SDAD1: variants seen among roughly 807,000 people sequenced by gnomAD.
SDAD1 encodes SDA1 domain containing 1.
Under a neutral mutation model 100.3 loss-of-function variants are expected in SDAD1, and 79 were observed. That is an observed-to-expected ratio of 0.79 (90% CI 0.66 to 0.95). The LOEUF is 0.95. SDAD1 is among the 40% of genes least tolerant of loss of function. SDAD1 has a pLI of 0.00. For synonymous variants in SDAD1, 267 were observed against 271.4 expected (o/e 0.98, Z 0.16); for missense variants, 790 against 810.9 (o/e 0.97, Z 0.31).
At chr4:75,957,269 A>T in intron 20 of SDAD1, 56 bp downstream of exon 20, 1 of 1,452,676 alleles carries the variant, frequency 6.9e-7, no homozygotes, top group Admixed American at 1.8e-5. Flanking sequence ...GTTCTGGCTT[A>T]TGTTTCATTT....
At position 75,990,785 on chromosome 4, in the gene SDAD1, T is replaced by G; in HGVS notation, c.57A>C (p.Leu19=). Residue 19 remains leucine (L), a synonymous_variant, in exon 1 of 22, where the codon CTA becomes CTC. Transcript: ENST00000356260. The stretch of plus-strand genomic sequence containing the variant: ...TGTAGGCCGGCGGGTCTCGCTTGAT[T>G]AGATTCTGTAACTGCGGCAGGTTGC... ...LPSNLPQLQN[L]IKRDPPAYIE... 1 of 1,614,156 alleles carries G rather than the reference T, an allele frequency of 6.2e-7. No individual in the cohort carries two copies. The highest frequency in any genetic ancestry group is 1.1e-5 in the South Asian group (1 of 91,088).
In SDAD1 at chr4:75,965,930, T is replaced by C. The variant is rs1578126363; in HGVS notation, c.1046-108A>G. The C allele has an allele frequency of 1.9e-5, 16 of 855,920 alleles. No homozygotes were observed. The East Asian group carries it at 4.1e-4, about 22-fold the overall frequency. The allele number at this position is 855,920 out of a possible 1,614,324, so 53.0% of individuals were successfully genotyped here. On this transcript the variant is annotated intron_variant, in intron 12 of 21. Transcript: ENST00000356260. ...CTGGTCTAAATGGTATTGCTGCGTA[T>C]TCCACCTGGAACACTCAATCCCCAG...
At chr4:75,981,322 G>A (rs763807614) in intron 3 of SDAD1, 50 bp downstream of exon 3, 2 of 1,513,732 alleles carry the variant, frequency 1.3e-6, no homozygotes, top group Admixed American at 1.7e-5. Flanking sequence ...ATATATGAAC[G>A]CAGCACACAT....
intron 18 of SDAD1, 45 bp downstream of exon 18, chr4:75,957,800 TAC>T: frequency 6.2e-7 from 1 of 1,612,214 alleles, no homozygotes; most frequent in African/African-American, 1.3e-5. Context: ...CAGAATAAAT[TAC>T]GTCTTAATAA....
intron 9 of SDAD1, among the ~76,000 whole-genome samples, chr4:75,970,724 T>C (rs920844288): frequency 9.9e-5 from 15 of 152,212 alleles, no homozygotes; most frequent in African/African-American, 2.2e-4. Context: ...TGGGAAGTTA[T>C]TGGCTCATAG....
chr4:75,970,981 A>G (rs1393299733), intron 9 of SDAD1, among the ~76,000 whole-genome samples: 1 of 152,218 alleles, frequency 6.6e-6, no homozygotes, highest in East Asian at 1.9e-4. Flanking sequence ...TAGCAGTGTG[A>G]AAACAAACTA....
At chr4:75,982,350 T>C (rs1218200898) in intron 1 of SDAD1, among the ~76,000 whole-genome samples, 1 of 152,144 alleles carries the variant, frequency 6.6e-6, no homozygotes, top group Non-Finnish European at 1.5e-5. Context: ...CCAGTTACTA[T>C]CTAAATGATC....
At chr4:75,973,195 T>C (rs1729962764) in intron 8 of SDAD1, 122 bp downstream of exon 8, 2 of 715,352 alleles carry the variant, frequency 2.8e-6, no homozygotes. Context: ...ATGGCAGAAT[T>C]CAATAACAGG....
chr4:75,987,489 T>C (rs1730970810), intron 1 of SDAD1, among the ~76,000 whole-genome samples: 1 of 152,132 alleles, frequency 6.6e-6, no homozygotes, highest in Non-Finnish European at 1.5e-5. Flanking sequence ...ATGACATCCA[T>C]GTCGCTAATT....
At chr4:75,955,313 A>G (rs924545458) in intron 21 of SDAD1, among the ~76,000 whole-genome samples, 4 of 152,208 alleles carry the variant, frequency 2.6e-5, no homozygotes, top group Admixed American at 2.6e-4. Flanking sequence ...TATCCAGTGC[A>G]TTGGCAGCAT....
chr4:75,954,090 C>T (rs1291348999), intron 21 of SDAD1, among the ~76,000 whole-genome samples: 2 of 152,072 alleles, frequency 1.3e-5, no homozygotes, highest in African/African-American at 2.4e-5. Flanking sequence ...AAAGTACCCA[C>T]GCCTGGGGCC....
chr4:75,969,054 AAG>A lies in SDAD1; in HGVS notation c.987+240_987+241del, dbSNP rs1256298587. Among the ~76,000 whole-genome samples the A allele has an allele frequency of 2.6e-5, 4 of 151,166 alleles. No individual in the cohort carries two copies. In the South Asian group the frequency reaches 8.3e-4, roughly 31 times the overall value. On this transcript the variant is annotated intron_variant, in intron 11 of 21. Transcript: ENST00000356260. ...TCAAAAAAAAAAAAAAAAAAAAAAA[AAG>A]CAGAGAATAAAATAGCCTGTCCATA... is the stretch of plus-strand genomic sequence containing the variant.
intron 21 of SDAD1, among the ~76,000 whole-genome samples, chr4:75,953,203 A>G (rs1728709245): frequency 6.6e-6 from 1 of 152,202 alleles, no homozygotes; most frequent in African/African-American, 2.4e-5. Context: ...TACTCTCAAA[A>G]AGATTCTTCA....
chr4:75,957,822 T>C (rs1728990555), intron 18 of SDAD1, 25 bp downstream of exon 18: 1 of 1,613,256 alleles, frequency 6.2e-7, no homozygotes, highest in Admixed American at 1.7e-5. Flanking sequence ...AACACCAGGT[T>C]ATAAGATGAA....
In SDAD1 at chr4:75,956,163, C is replaced by A. The variant is rs746802680; in HGVS notation, c.1855-27G>T. The A allele has an allele frequency of 1.5e-5, 23 of 1,581,952 alleles. No individual in the cohort carries two copies. In the South Asian group the frequency reaches 1.7e-4, roughly 11 times the overall value. ...TACCAGAACAAAAAGTTTGATATTT[C>A]TTCTTCAACAACATACTTTAGGAGT... is the stretch of plus-strand genomic sequence containing the variant. On this transcript the variant is annotated intron_variant, in intron 20 of 21. Transcript: ENST00000356260.
At chr4:75,967,156 T>TC in intron 12 of SDAD1, 121 bp downstream of exon 12, 1 of 858,380 alleles carries the variant, frequency 1.2e-6, no homozygotes, top group Admixed American at 2.5e-5. Context: ...CAAGGGCTTC[T>TC]CTTCACATCT....
Position 75,957,574 on chromosome 4 carries a change from G to A in SDAD1, c.1713C>T (p.Ala571=). ...MAQMRKELDA[A]PGKSQKRKYI... The stretch of plus-strand genomic sequence containing the variant: ...ATTTCCTCTTCTGGGATTTCCCGGG[G>A]GCAGCATCAAGTTCTTTTCTCATTT... The change falls in exon 19 of 22, where the codon GCC becomes GCT. Residue 571 remains alanine, a synonymous_variant. Coordinates refer to ENST00000356260, the MANE Select transcript of SDAD1 (RefSeq NM_018115.4). 1 of 1,614,092 alleles carries A rather than the reference G, an allele frequency of 6.2e-7. No homozygotes were observed. Among genetic ancestry groups the A allele is most frequent in the African/African-American group, 1.3e-5 (1 of 74,992 alleles).
chr4:75,966,077 T>C (rs1056068369), intron 12 of SDAD1, among the ~76,000 whole-genome samples: 1 of 152,116 alleles, frequency 6.6e-6, no homozygotes, highest in Non-Finnish European at 1.5e-5. Context: ...CTATTGTCCT[T>C]ATCCTGCTTC....
intron 14 of SDAD1, among the ~76,000 whole-genome samples, chr4:75,962,117 C>G (rs964534950): frequency 4.6e-5 from 7 of 152,148 alleles, no homozygotes; most frequent in African/African-American, 1.7e-4. Context: ...TCTCATTGTT[C>G]AATTCCCACC....
Sources: allele counts gnomAD v4.1 joint callset (sites outside exome capture counted in the v4.1 genomes callset), GRCh38; gene constraint gnomAD v4.1.1; transcripts MANE v1.5; gene names NCBI Gene and HGNC (gene_info 2026-07-23, HGNC 2026-07-21).